Variants in EPS8L1 observed in about 807,000 individuals in gnomAD.
The protein encoded by EPS8L1 is epidermal growth factor receptor kinase substrate 8-like protein 1.
Under a neutral mutation model 91.7 loss-of-function variants are expected in EPS8L1, and 101 were observed. The observed-to-expected ratio is 1.10, with a 90% CI of 0.94 to 1.30. The LOEUF (loss-of-function observed/expected upper bound fraction) is 1.30. EPS8L1 is among the 50% of genes most tolerant of loss of function. EPS8L1 has a pLI of 0.00. For missense variants in EPS8L1, 1,114 were observed against 1,017.0 expected (o/e 1.10, Z -1.30); for synonymous variants, 506 against 445.3 (o/e 1.14, Z -1.72).
chr19:55,081,220 G>A lies in EPS8L1; in HGVS notation c.513-11G>A, dbSNP rs771354250. ...TGGACCCAGTCTTGGTGTCCCCGTC[G>A]CCCTCCGCAGGGCCACGCAGGAGGA... is the stretch of plus-strand genomic sequence containing the variant. On this transcript the variant is annotated splice_polypyrimidine_tract_variant and intron_variant, in intron 7 of 19. Transcript: ENST00000201647. This position sits in a 1 kb window ranked among gnomAD's most constrained non-coding sequence, Gnocchi z 4.9. 3 of 1,495,130 alleles carry A rather than the reference G, an allele frequency of 2.0e-6. No individual in the cohort carries two copies. Among genetic ancestry groups the A allele is most frequent in the Non-Finnish European group, 1.8e-6 (2 of 1,132,240 alleles). 92.6% of individuals were successfully genotyped at this position (1,495,130 alleles called of 1,614,324 possible).
At chr19:55,076,018 ACGGGCT>A (rs2076115627) in intron 1 of EPS8L1, 99 bp downstream of exon 1, 2 of 166,520 alleles carry the variant, frequency 1.2e-5, no homozygotes, top group Non-Finnish European at 2.5e-5. Context: ...CTCAGGGAGG[ACGGGCT>A]GGGGGTCTGA....
chr19:55,082,205 C>T (rs2076281779), intron 10 of EPS8L1, 25 bp downstream of exon 10: 3 of 1,589,800 alleles, frequency 1.9e-6, no homozygotes, highest in South Asian at 2.3e-5. Context: ...GCCCCTGGGC[C>T]GGGGCGCGGG....
At position 55,086,524 on chromosome 19, in the gene EPS8L1, T is replaced by A; in HGVS notation, c.1777+6T>A. 6.5e-7 allele frequency: 1 copy of A among 1,550,286 alleles called. No homozygotes were observed. The highest frequency in any genetic ancestry group is 8.7e-7 in the Non-Finnish European group (1 of 1,146,516). On this transcript the variant is annotated splice_donor_region_variant and intron_variant, in intron 17 of 19. Coordinates refer to ENST00000201647, the MANE Select transcript of EPS8L1 (RefSeq NM_133180.3). Reference sequence around the variant, plus strand: ...CTTGGACCCCAGCGAGAAGGGTGAGTGGTGGGGACGCCGGCTGCGGGGAGC... The same window carrying A: ...CTTGGACCCCAGCGAGAAGGGTGAGAGGTGGGGACGCCGGCTGCGGGGAGC...
chr19:55,087,121 C>T (rs367767431), intron 18 of EPS8L1, 182 bp from the exon 19 acceptor site: 6 of 1,110,826 alleles, frequency 5.4e-6, no homozygotes, highest in Non-Finnish European at 6.2e-6. Flanking sequence ...AAGCAGGATG[C>T]GGCCACGCCC....
chr19:55,087,208 T>C, intron 18 of EPS8L1, 95 bp from the exon 19 acceptor site: 2 of 1,496,538 alleles, frequency 1.3e-6, no homozygotes, highest in Non-Finnish European at 1.8e-6. Flanking sequence ...TAGAATGCTG[T>C]TCTGATTGGA....
At chr19:55,082,858 G>A (rs1281435272) in intron 12 of EPS8L1, among the ~76,000 whole-genome samples, 1 of 150,802 alleles carries the variant, frequency 6.6e-6, no homozygotes, top group Non-Finnish European at 1.5e-5. Flanking sequence ...TAAAGGAATA[G>A]AGGGGCTAGG....
At position 55,085,909 on chromosome 19, in the gene EPS8L1, G is replaced by C. The variant is rs143190351; in HGVS notation, c.1454G>C (p.Cys485Ser). 183 of 1,613,808 alleles carry C rather than the reference G, an allele frequency of 1.1e-4. No homozygotes were observed. In the African/African-American group the frequency reaches 2.3e-3, roughly 20 times the overall value. ...ESETAGKWVL[C>S]NYDFQARNSS... Reference sequence around the variant, plus strand: ...GAGACAGCAGGAAAATGGGTCCTGTGTAATTATGACTTCCAGGCCCGCAAC... The same window carrying C: ...GAGACAGCAGGAAAATGGGTCCTGTCTAATTATGACTTCCAGGCCCGCAAC... The change falls in exon 15 of 20, where the codon TGT becomes TCT. Residue 485 changes from cysteine (C) to serine (S), a missense_variant. Physicochemically the swap from Cys to Ser is moderately radical, Grantham distance 112. Coordinates refer to ENST00000201647, the MANE Select transcript of EPS8L1 (RefSeq NM_133180.3).
rs746555627 is a variant in EPS8L1, at chr19:55,086,780, G to A, written c.1844G>A (p.Gly615Glu). 1 of 1,608,638 alleles carries A rather than the reference G, an allele frequency of 6.2e-7. No individual in the cohort carries two copies. The highest frequency in any genetic ancestry group is 1.1e-5 in the South Asian group (1 of 90,608). Reference sequence around the variant, plus strand: ...GCGCGCCTGGCCCAGGGCCGCTCGGGACCGAGCCGCGCAGTCCCAGGGCCC... The same window carrying A: ...GCGCGCCTGGCCCAGGGCCGCTCGGAACCGAGCCGCGCAGTCCCAGGGCCC... ...LQARLAQGRS[G>E]PSRAVPGPRA... The change falls in exon 18 of 20, where the codon GGA becomes GAA. Residue 615 changes from glycine to glutamate, a missense_variant. Gly to Glu is a moderately conservative substitution (Grantham distance 98). Transcript: ENST00000201647.
In EPS8L1 at chr19:55,080,139, A is replaced by C. The variant is rs866935004; in HGVS notation, c.290A>C (p.Glu97Ala). Residue 97 changes from glutamate (E) to alanine (A), a missense_variant, in exon 6 of 20, where the codon GAG (glutamate) becomes GCG (alanine). Glu to Ala is a moderately radical substitution (Grantham distance 107). Coordinates refer to ENST00000201647, the MANE Select transcript of EPS8L1 (RefSeq NM_133180.3). ...CATCCCACCCGGCAGGAGGAGCTGGAGTCGTACCCACTGGGCGCCATCGTG... is the reference window on the plus strand; with the variant it reads ...CATCCCACCCGGCAGGAGGAGCTGGCGTCGTACCCACTGGGCGCCATCGTG... ...LLDPASKEEL[E>A]SYPLGAIVRC... 1 of 1,501,342 alleles carries C rather than the reference A, an allele frequency of 6.7e-7. No homozygotes were observed. The highest frequency in any genetic ancestry group is 8.9e-7 in the Non-Finnish European group (1 of 1,118,788). The allele number at this position is 1,501,342 out of a possible 1,614,324, so 93.0% of individuals were successfully genotyped here.
In EPS8L1 at chr19:55,086,761, C is replaced by T. The variant is rs1389447139; in HGVS notation, c.1825C>T (p.Leu609=). 1 of 1,611,070 alleles carries T rather than the reference C, an allele frequency of 6.2e-7. No individual in the cohort carries two copies. Among genetic ancestry groups the T allele is most frequent in the Non-Finnish European group, 8.5e-7 (1 of 1,179,350 alleles). Residue 609 remains leucine, a synonymous_variant, in exon 18 of 20, where the codon CTG becomes TTG. Transcript: ENST00000201647. ...CGTCAACGAGGAACTGCAGGCGCGC[C>T]TGGCCCAGGGCCGCTCGGGACCGAG... ...LIVNEELQAR[L]AQGRSGPSRA...
At position 55,083,962 on chromosome 19, in the gene EPS8L1, A is replaced by C. The variant is rs181565533; in HGVS notation, c.1385+318A>C. ...CCTGGATCCCCAAAAGGCTGGAAGAAGCCAGTTTGTTTTCCCAGGGCCTGG... is the reference window on the plus strand; with the variant it reads ...CCTGGATCCCCAAAAGGCTGGAAGACGCCAGTTTGTTTTCCCAGGGCCTGG... On this transcript the variant is annotated intron_variant, in intron 14 of 19. Transcript: ENST00000201647. This position sits in a 1 kb window ranked among gnomAD's most constrained non-coding sequence, Gnocchi z 4.7. The C allele has an allele frequency of 4.0e-4, 237 of 587,920 alleles. 2 individuals are homozygous for C. In the Middle Eastern group the frequency reaches 4.5e-3, roughly 11 times the overall value. The allele number at this position is 587,920 out of a possible 1,614,324, so 36.4% of individuals were successfully genotyped here.
rs2076196910 is a variant in EPS8L1, at chr19:55,079,032, C to T, written c.92C>T (p.Ala31Val). Reference protein sequence around the residue: ...QRKRYSTVVMADVSQYPVNHL... With the variant: ...QRKRYSTVVMVDVSQYPVNHL... ...AAGCGTTACTCCACAGTTGTTATGG[C>T]TGATGTATCCCAGTACCCAGTCAAT... The change falls in exon 4 of 20, where the codon GCT becomes GTT. Residue 31 changes from alanine to valine, a missense_variant. Coordinates refer to ENST00000201647, the MANE Select transcript of EPS8L1 (RefSeq NM_133180.3). 6.2e-7 allele frequency: 1 copy of T among 1,614,046 alleles called. No individual in the cohort carries two copies. The highest frequency in any genetic ancestry group is 1.1e-5 in the South Asian group (1 of 91,088).
In EPS8L1 at chr19:55,083,079, A is replaced by G. The variant is rs953803202; in HGVS notation, c.1215-299A>G. 1.3e-5 allele frequency among the ~76,000 whole-genome samples: 2 copies of G among 152,168 alleles called. No individual in the cohort carries two copies. Among genetic ancestry groups the G allele is most frequent in the African/African-American group, 4.8e-5 (2 of 41,496 alleles). ...AGGCAATTTTTTTCCAGAGAGAGAG[A>G]TGGATGGGGTCTCAATATTTTGCCC... On this transcript the variant is annotated intron_variant, in intron 12 of 19. Transcript: ENST00000201647. This position sits in a 1 kb window ranked among gnomAD's most constrained non-coding sequence, Gnocchi z 4.7.
intron 2 of EPS8L1, among the ~76,000 whole-genome samples, chr19:55,077,760 TG>T (rs1470429682): frequency 6.6e-6 from 1 of 151,132 alleles, no homozygotes; most frequent in African/African-American, 2.4e-5. Context: ...AGCTAATTTT[TG>T]TATTTTTAGT....
chr19:55,079,798 A>G lies in EPS8L1; in HGVS notation c.226A>G (p.Met76Val). 1 of 1,614,022 alleles carries G rather than the reference A, an allele frequency of 6.2e-7. No individual in the cohort carries two copies. The highest frequency in any genetic ancestry group is 8.5e-7 in the Non-Finnish European group (1 of 1,179,990). The change falls in exon 5 of 20, where the codon ATG (methionine) becomes GTG (valine). Residue 76 changes from methionine to valine, a missense_variant. Physicochemically the swap from Met to Val is conservative, Grantham distance 21. Coordinates refer to ENST00000201647, the MANE Select transcript of EPS8L1 (RefSeq NM_133180.3). ...DSQGRVWAQE[M>V]LLRVSPDHVT... The stretch of plus-strand genomic sequence containing the variant: ...CCAGGGCCGAGTCTGGGCACAGGAG[A>G]TGCTGCTGCGAGTGTCTCCCGACCA...
At position 55,086,419 on chromosome 19, in the gene EPS8L1, C is replaced by G; in HGVS notation, c.1678C>G (p.Pro560Ala). ...CAGCACTCCTCCTCCACCACCAGCC[C>G]CAGCCCCGGCCCCACCTCCAGCTCT... ...LNSTPPPPPA[P>A]APAPPPALAR... is the part of the protein sequence containing the mutation. The change falls in exon 17 of 20, where the codon CCA becomes GCA. Residue 560 changes from proline (P) to alanine (A), a missense_variant. Physicochemically the swap from Pro to Ala is conservative, Grantham distance 27. Coordinates refer to ENST00000201647, the MANE Select transcript of EPS8L1 (RefSeq NM_133180.3). 1.3e-6 allele frequency: 2 copies of G among 1,560,632 alleles called. No individual in the cohort carries two copies. The highest frequency in any genetic ancestry group is 1.9e-5 in the Admixed American group (1 of 51,876).
rs1441068812 is a variant in EPS8L1, at chr19:55,082,200, T to C, written c.990+20T>C. ...CTGCTGGTGAGGACGCGCCCGCCCC[T>C]GGGCCGGGGCGCGGGCACGACGAAC... is the stretch of plus-strand genomic sequence containing the variant. On this transcript the variant is annotated intron_variant, in intron 10 of 19. Coordinates refer to ENST00000201647, the MANE Select transcript of EPS8L1 (RefSeq NM_133180.3). 5 of 1,590,600 alleles carry C rather than the reference T, an allele frequency of 3.1e-6. No individual in the cohort carries two copies. Among genetic ancestry groups the C allele is most frequent in the East Asian group, 4.6e-5 (2 of 43,854 alleles).
Position 55,087,406 on chromosome 19 carries a change from C to T in EPS8L1, c.2056C>T (p.Gln686Ter), listed in dbSNP as rs765848780. 2 of 1,614,048 alleles carry T rather than the reference C, an allele frequency of 1.2e-6. No homozygotes were observed. The highest frequency in any genetic ancestry group is 1.7e-6 in the Non-Finnish European group (2 of 1,180,002). ...SPEEGARVYSQVTVQRSLLED... is the reference protein window; with the variant it reads ...SPEEGARVYS ...CGAGGAGGGGGCACGTGTGTACAGCCAGGTCACCGTGCAGCGCTCGCTGCT... is the reference window on the plus strand; with the variant it reads ...CGAGGAGGGGGCACGTGTGTACAGCTAGGTCACCGTGCAGCGCTCGCTGCT... The change falls in exon 19 of 20, where the codon CAG becomes TAG. Residue 686 changes from glutamine (Q) to a stop codon, truncating the protein, a stop_gained. Coordinates refer to ENST00000201647, the MANE Select transcript of EPS8L1 (RefSeq NM_133180.3). LOFTEE classifies it high-confidence loss of function.
intron 4 of EPS8L1, 123 bp downstream of exon 4, chr19:55,079,180 C>A: frequency 9.7e-7 from 1 of 1,030,734 alleles, no homozygotes; most frequent in African/African-American, 1.6e-5. Flanking sequence ...GTTTGCCCAT[C>A]CATAAAATGG....
Sources: gnomAD v4.1 joint callset for allele counts (sites outside exome capture counted in the v4.1 genomes callset) on GRCh38, gnomAD v4.1.1 for gene constraint, Gnocchi (gnomAD v3.1) non-coding constraint, MANE v1.5 for transcripts, NCBI Gene and HGNC (gene_info 2026-07-23, HGNC 2026-07-21) for gene names.